The following USF3 variants were observed in gnomAD, a reference collection of about 807,000 sequenced individuals.
USF3 encodes upstream transcription factor family member 3.
A neutral mutation model predicts 157.5 loss-of-function variants in USF3; 29 were observed. That is an observed-to-expected ratio of 0.18 (90% CI 0.14 to 0.25). The LOEUF (loss-of-function observed/expected upper bound fraction) is 0.25, where lower values mean the gene tolerates loss of function less well. Among genes scored for constraint, USF3 ranks in the 10% least tolerant of loss-of-function variants. The pLI is 1.00. For missense variants in USF3, 2,381 were observed against 2,667.6 expected (o/e 0.89, Z 2.37); for synonymous variants, 893 against 941.4 (o/e 0.95, Z 0.94).
At position 113,674,893 on chromosome 3, in the gene USF3, G is replaced by C. The variant is rs765050497; in HGVS notation, c.-15C>G. Reference sequence around the variant, plus strand: ...ATTTCTGGCATGGTTACAGTAATAGGAACCTACAGAAGGATAGAAAGACAC... The same window carrying C: ...ATTTCTGGCATGGTTACAGTAATAGCAACCTACAGAAGGATAGAAAGACAC... On this transcript the variant is annotated 5_prime_UTR_variant, in exon 3 of 7. Transcript: ENST00000316407. 2 of 1,603,070 alleles carry C rather than the reference G, an allele frequency of 1.2e-6. No homozygotes were observed. The highest frequency in any genetic ancestry group is 4.5e-5 in the East Asian group (2 of 44,786).
chr3:113,681,243 C>G (rs139960070), intron 1 of USF3, among the ~76,000 whole-genome samples: 1 of 151,500 alleles, frequency 6.6e-6, no homozygotes, highest in South Asian at 2.1e-4. Flanking sequence ...CCTCCCAAAG[C>G]GCTGGGATTA....
intron 1 of USF3, among the ~76,000 whole-genome samples, chr3:113,682,960 C>A (rs535855730): frequency 6.7e-6 from 1 of 149,864 alleles, no homozygotes; most frequent in Non-Finnish European, 1.5e-5. Flanking sequence ...GCATTTAGCT[C>A]ATTTACATTC....
At chr3:113,689,411 A>G (rs1707636185) in intron 1 of USF3, among the ~76,000 whole-genome samples, 1 of 152,226 alleles carries the variant, frequency 6.6e-6, no homozygotes, top group Non-Finnish European at 1.5e-5. Context: ...CATCTGGTCC[A>G]AGTTCCTTAA....
At chr3:113,672,376 T>A (rs1273136903) in intron 4 of USF3, among the ~76,000 whole-genome samples, 2 of 152,196 alleles carry the variant, frequency 1.3e-5, no homozygotes, top group East Asian at 3.9e-4. Context: ...TCCACCTGCC[T>A]CGACCTCTCC....
Position 113,649,499 on chromosome 3 carries a change from G to GA in USF3, c.*5444_*5445insT. 4.3e-6 allele frequency: 1 copy of GA among 230,940 alleles called. No homozygotes were observed. The highest frequency in any genetic ancestry group is 8.3e-6 in the Non-Finnish European group (1 of 121,104). 14.3% of individuals were successfully genotyped at this position (230,940 alleles called of 1,614,324 possible). A position where few individuals can be genotyped will look rare whatever the true frequency, so the allele number is the denominator to read the frequency against. ...AGTTTAACAGGAGTTTTGCTACTAGGTTTTTTTTTTGTTTTTTGTTTTTTT... is the reference window on the plus strand; with the variant it reads ...AGTTTAACAGGAGTTTTGCTACTAGGATTTTTTTTTTGTTTTTTGTTTTTTT... On this transcript the variant is annotated 3_prime_UTR_variant, in exon 7 of 7. Transcript: ENST00000316407.
intron 6 of USF3, among the ~76,000 whole-genome samples, chr3:113,661,785 T>A (rs1374459027): frequency 6.6e-6 from 1 of 152,204 alleles, no homozygotes; most frequent in Admixed American, 6.5e-5. Context: ...TGAATATCAA[T>A]ATGCCATTTA....
chr3:113,673,925 G>A (rs191660236), intron 3 of USF3, among the ~76,000 whole-genome samples: 284 of 152,288 alleles, frequency 1.9e-3, no homozygotes, highest in Non-Finnish European at 3.1e-3. Context: ...ATTTTCTTGA[G>A]AGCCAATCTA....
In USF3 at chr3:113,696,375, G is replaced by A. The variant is rs1158098934; in HGVS notation, c.-140C>T. The A allele has an allele frequency of 2.2e-5, 3 of 134,202 alleles. No homozygotes were observed. Among genetic ancestry groups the A allele is most frequent in the Non-Finnish European group, 3.1e-5 (2 of 64,184 alleles). The allele number at this position is 134,202 out of a possible 1,614,324, so 8.3% of individuals were successfully genotyped here. ...CCCCTCCCGCAGTCACTTACCCGCCGGCTGCGCGGTCTCGGCCGCGGTGGC... is the reference window on the plus strand; with the variant it reads ...CCCCTCCCGCAGTCACTTACCCGCCAGCTGCGCGGTCTCGGCCGCGGTGGC... On this transcript the variant is annotated 5_prime_UTR_variant, in exon 1 of 7. Coordinates refer to ENST00000316407, the MANE Select transcript of USF3 (RefSeq NM_001009899.4).
chr3:113,660,684 T>G lies in USF3; in HGVS notation c.998A>C (p.Asn333Thr). The change falls in exon 7 of 7, where the codon AAC (asparagine) becomes ACC (threonine). Residue 333 changes from asparagine (N) to threonine (T), a missense_variant. This residue lies in a region of USF3 where 1,435 missense variants were observed against 1,550.9 expected (regional missense o/e 0.93). Transcript: ENST00000316407. Reference protein sequence around the residue: ...SIQDFRGDFQNTFVVSVTTTV... With the variant: ...SIQDFRGDFQTTFVVSVTTTV... ...GGTGGTAACTGAAACAACAAAAGTGTTTTGAAAATCACCTCTGAAGTCCTG... is the reference window on the plus strand; with the variant it reads ...GGTGGTAACTGAAACAACAAAAGTGGTTTGAAAATCACCTCTGAAGTCCTG... 2 of 1,614,172 alleles carry G rather than the reference T, an allele frequency of 1.2e-6. No homozygotes were observed. The highest frequency in any genetic ancestry group is 1.7e-6 in the Non-Finnish European group (2 of 1,180,020).
intron 1 of USF3, among the ~76,000 whole-genome samples, chr3:113,691,611 T>G (rs1044267786): frequency 3.3e-5 from 5 of 152,174 alleles, no homozygotes; most frequent in African/African-American, 1.2e-4. Context: ...ACAAGGAGAA[T>G]ATCTTGCTGA....
chr3:113,688,778 C>G (rs577694191), intron 1 of USF3, among the ~76,000 whole-genome samples: 17 of 152,152 alleles, frequency 1.1e-4, no homozygotes, highest in African/African-American at 3.9e-4. Context: ...CGGTGGCTCA[C>G]GCCTGTAACC....
chr3:113,654,875 T>C lies in USF3; in HGVS notation c.*69A>G. 1 of 1,497,406 alleles carries C rather than the reference T, an allele frequency of 6.7e-7. No homozygotes were observed. The highest frequency in any genetic ancestry group is 9.1e-7 in the Non-Finnish European group (1 of 1,104,404). 92.8% of individuals were successfully genotyped at this position (1,497,406 alleles called of 1,614,324 possible). The stretch of plus-strand genomic sequence containing the variant: ...CACAATCCTTCTCTTCATGTACATG[T>C]CTGTGCACATGCACGCACAAATACA... On this transcript the variant is annotated 3_prime_UTR_variant, in exon 7 of 7. Coordinates refer to ENST00000316407, the MANE Select transcript of USF3 (RefSeq NM_001009899.4).
chr3:113,657,631 G>A lies in USF3; in HGVS notation c.4051C>T (p.Pro1351Ser), dbSNP rs761844389. 8 of 1,614,182 alleles carry A rather than the reference G, an allele frequency of 5.0e-6. No homozygotes were observed. The highest frequency in any genetic ancestry group is 5.1e-6 in the Non-Finnish European group (6 of 1,180,038). Residue 1351 changes from proline to serine, a missense_variant, in exon 7 of 7, where the codon CCC becomes TCC. Pro to Ser is a moderately conservative substitution (Grantham distance 74). This residue lies in a region of USF3 where 1,435 missense variants were observed against 1,550.9 expected (regional missense o/e 0.93). Coordinates refer to ENST00000316407, the MANE Select transcript of USF3 (RefSeq NM_001009899.4). Reference sequence around the variant, plus strand: ...AGGGACATACTTTCAAGCCTGAGGGGGGCTGGCTGACAGTGCTTTTGACGT... The same window carrying A: ...AGGGACATACTTTCAAGCCTGAGGGAGGCTGGCTGACAGTGCTTTTGACGT... ...AKRQKHCQPA[P>S]LRLESMSLMS...
At chr3:113,672,922 G>C (rs1467137591) in intron 4 of USF3, among the ~76,000 whole-genome samples, 1 of 152,146 alleles carries the variant, frequency 6.6e-6, no homozygotes, top group African/African-American at 2.4e-5. Flanking sequence ...GAGGACTCCA[G>C]AACTTAATTT....
intron 1 of USF3, among the ~76,000 whole-genome samples, chr3:113,685,179 T>C (rs1334090792): frequency 1.3e-5 from 2 of 152,184 alleles, no homozygotes; most frequent in African/African-American, 4.8e-5. Flanking sequence ...TCTCTTGTTC[T>C]CTTCCCTTAT....
intron 5 of USF3, among the ~76,000 whole-genome samples, chr3:113,665,022 A>G (rs1186257317): frequency 2.0e-5 from 3 of 152,188 alleles, no homozygotes; most frequent in South Asian, 2.1e-4. Flanking sequence ...TACCCAGTCT[A>G]TGGCATTTTT....
At chr3:113,679,141 A>G (rs1010807741) in intron 1 of USF3, among the ~76,000 whole-genome samples, 1 of 151,820 alleles carries the variant, frequency 6.6e-6, no homozygotes, top group African/African-American at 2.4e-5. Flanking sequence ...TAGTTTTTGA[A>G]TGCCAAAGGA....
In USF3 at chr3:113,673,365, C is replaced by G; in HGVS notation, c.59G>C (p.Arg20Pro). The change falls in exon 4 of 7, where the codon CGG (arginine) becomes CCG (proline). Residue 20 changes from arginine (R) to proline (P), a missense_variant. By Grantham distance (103) the Arg-to-Pro change is moderately radical. Transcript: ENST00000316407. ...GTTTCTACCTGCATTGTGTGTCTCC[C>G]GGTTTTTCTTTCTGAAACAAAAAGT... ...PTKKQHRKKN[R>P]ETHNAVERHR... 6.2e-7 allele frequency: 1 copy of G among 1,601,080 alleles called. No homozygotes were observed. The highest frequency in any genetic ancestry group is 8.5e-7 in the Non-Finnish European group (1 of 1,171,038).
At position 113,648,496 on chromosome 3, in the gene USF3, A is replaced by C. The variant is rs1047135617; in HGVS notation, c.*6448T>G. 2.0e-5 allele frequency: 3 copies of C among 152,684 alleles called. No homozygotes were observed. Among genetic ancestry groups the C allele is most frequent in the African/African-American group, 7.2e-5 (3 of 41,474 alleles). 9.5% of individuals were successfully genotyped at this position (152,684 alleles called of 1,614,324 possible). A position where few individuals can be genotyped will look rare whatever the true frequency, so the allele number is the denominator to read the frequency against. On this transcript the variant is annotated 3_prime_UTR_variant, in exon 7 of 7. Coordinates refer to ENST00000316407, the MANE Select transcript of USF3 (RefSeq NM_001009899.4). ...GTTACATTTAACAATAAAAATTTCCAAACTTTAAACAAGAGGATGGTTCAG... is the reference window on the plus strand; with the variant it reads ...GTTACATTTAACAATAAAAATTTCCCAACTTTAAACAAGAGGATGGTTCAG...
Sources: gnomAD v4.1 joint callset for allele counts (sites outside exome capture counted in the v4.1 genomes callset) on GRCh38, gnomAD v4.1.1 for gene constraint, gnomAD v4.1.1 regional missense constraint, MANE v1.5 for transcripts, NCBI Gene and HGNC (gene_info 2026-07-23, HGNC 2026-07-21) for gene names.